The following TMEM233 variants were observed in gnomAD, a reference collection of about 807,000 sequenced individuals.
The protein encoded by TMEM233 is transmembrane protein 233, also known as dispanin subfamily B member 2.
In TMEM233, 6 loss-of-function variants were observed where a neutral mutation model predicts 11.2. That is an observed-to-expected ratio of 0.54 (90% CI 0.29 to 1.06). TMEM233 has a LOEUF of 1.06. TMEM233 is among the 50% of genes least tolerant of loss of function. The pLI is 0.08. For synonymous variants in TMEM233, 59 were observed against 55.8 expected, an observed-to-expected ratio of 1.06 and a Z score of -0.26; for missense variants, 127 against 144.7, an observed-to-expected ratio of 0.88 and a Z score of 0.63.
chr12:119,647,745 G>T (rs1226477534), downstream of TMEM233, among the ~76,000 whole-genome samples: 1 of 152,070 alleles, frequency 6.6e-6, no homozygotes, highest in Non-Finnish European at 1.5e-5. Context: ...CATGCATTAA[G>T]CATTTATCCT....
At chr12:119,615,203 A>AAAAAAAAAAAAAAAAAAAC (rs1954501104) in intron 1 of TMEM233, among the ~76,000 whole-genome samples, 1 of 111,772 alleles carries the variant, frequency 8.9e-6, no homozygotes, top group Non-Finnish European at 1.9e-5. Flanking sequence ...AAAAAAAAAA[A>AAAAAAAAAAAAAAAAAAAC]AAACTGCCTC....
Position 119,594,148 on chromosome 12 carries a change from C to A in TMEM233, c.186+114C>A, listed in dbSNP as rs966246. ...TCCCTTCCTCACGGCCCGGCCCGCG[C>A]TAGGTGTTCTTTGTCCTCGCACCTC... On this transcript the variant is annotated intron_variant, in intron 1 of 2. Transcript: ENST00000426426. The surrounding 1 kb of genome is among the most constrained non-coding windows in gnomAD (Gnocchi z 5.6). The A allele has an allele frequency of 9.1e-7, 1 of 1,098,018 alleles. No homozygotes were observed. The highest frequency in any genetic ancestry group is 1.3e-6 in the Non-Finnish European group (1 of 773,880). The allele number at this position is 1,098,018 out of a possible 1,614,324, so 68.0% of individuals were successfully genotyped here.
chr12:119,620,175 A>G (rs146287028), intron 1 of TMEM233, among the ~76,000 whole-genome samples: 114 of 152,354 alleles, frequency 7.5e-4, no homozygotes, highest in African/African-American at 2.6e-3. Context: ...TGAAGTGTGA[A>G]AAGATGGCTC....
intron 1 of TMEM233, among the ~76,000 whole-genome samples, chr12:119,615,454 A>C (rs1954506227): frequency 6.6e-6 from 1 of 152,182 alleles, no homozygotes; most frequent in Non-Finnish European, 1.5e-5. Context: ...TTCAAAAAAA[A>C]ATTCTGATGC....
At chr12:119,650,251 T>C in the TMEM233 span, among the ~76,000 whole-genome samples, 1 of 152,204 alleles carries the variant, frequency 6.6e-6, no homozygotes, top group African/African-American at 2.4e-5. Flanking sequence ...GATCTCTCAT[T>C]TGATCATTAT....
In TMEM233 at chr12:119,630,491, C is replaced by G. The variant is rs1954856217; in HGVS notation, c.323+619C>G. On this transcript the variant is annotated intron_variant, in intron 2 of 2. Coordinates refer to ENST00000426426, the MANE Select transcript of TMEM233 (RefSeq NM_001136534.3). ...CCGATCATGGTCTCTGGCACAGCTA[C>G]TTAGCTCTGCCATTTTAGCACAAAA... 2.0e-5 allele frequency among the ~76,000 whole-genome samples: 3 copies of G among 152,236 alleles called. No homozygotes were observed. The South Asian group carries it at 6.2e-4, about 31-fold the overall frequency.
chr12:119,618,563 A>T (rs1303512830), intron 1 of TMEM233, among the ~76,000 whole-genome samples: 2 of 152,216 alleles, frequency 1.3e-5, no homozygotes, highest in Admixed American at 6.5e-5. Context: ...CACACCTCTT[A>T]CATCAGTGTG....
intron 1 of TMEM233, among the ~76,000 whole-genome samples, chr12:119,602,738 A>T (rs73410147): frequency 6.6e-6 from 1 of 152,304 alleles, no homozygotes; most frequent in African/African-American, 2.4e-5. Context: ...TCAAGATGTA[A>T]ATCTGTGTGC....
chr12:119,605,125 CTTTA>C (rs571651995), intron 1 of TMEM233, among the ~76,000 whole-genome samples: 249 of 151,806 alleles, frequency 1.6e-3, no homozygotes, highest in African/African-American at 5.6e-3. Context: ...CTTTTGATAA[CTTTA>C]TTTGTTCTTT....
At chr12:119,626,198 G>A (rs1954753350) in intron 1 of TMEM233, among the ~76,000 whole-genome samples, 1 of 152,182 alleles carries the variant, frequency 6.6e-6, no homozygotes, top group Non-Finnish European at 1.5e-5. Context: ...AGGGCCAGGT[G>A]CAGTGGCTCA....
At chr12:119,610,503 G>A (rs1954371858) in intron 1 of TMEM233, among the ~76,000 whole-genome samples, 1 of 152,150 alleles carries the variant, frequency 6.6e-6, no homozygotes, top group African/African-American at 2.4e-5. Flanking sequence ...ATCTTGAATT[G>A]CAGTTTCCAT....
In TMEM233 at chr12:119,594,960, G is replaced by A. The variant is rs1021416522; in HGVS notation, c.186+926G>A. On this transcript the variant is annotated intron_variant, in intron 1 of 2. Coordinates refer to ENST00000426426, the MANE Select transcript of TMEM233 (RefSeq NM_001136534.3). This position sits in a 1 kb window ranked among gnomAD's most constrained non-coding sequence, Gnocchi z 5.6. ...TGTCCTGCGCCCGGGGCTCTCCCGG[G>A]AATGAACTAGGGGATTCCACGCAAC... 6.6e-5 allele frequency among the ~76,000 whole-genome samples: 10 copies of A among 152,188 alleles called. No individual in the cohort carries two copies. The highest frequency in any genetic ancestry group is 2.6e-4 in the Admixed American group (4 of 15,290).
At chr12:119,599,607 G>T (rs1401728056) in intron 1 of TMEM233, among the ~76,000 whole-genome samples, 1 of 152,154 alleles carries the variant, frequency 6.6e-6, no homozygotes, top group African/African-American at 2.4e-5. Flanking sequence ...TGCACAAATA[G>T]TAGCCAACAA....
At chr12:119,644,440 G>A (rs1016250703), downstream of TMEM233, among the ~76,000 whole-genome samples, 4 of 151,226 alleles carry the variant, frequency 2.6e-5, no homozygotes, top group South Asian at 8.3e-4. Flanking sequence ...CCTTCCATAT[G>A]CAGGGCAAAG....
chr12:119,594,214 C>A lies in TMEM233; in HGVS notation c.186+180C>A. The stretch of plus-strand genomic sequence containing the variant: ...GGGCTCTCAGAGCTCTCCCCGCAAT[C>A]ATCAGCACCTCCTCTGCACTCCTCG... On this transcript the variant is annotated intron_variant, in intron 1 of 2. Coordinates refer to ENST00000426426, the MANE Select transcript of TMEM233 (RefSeq NM_001136534.3). This position sits in a 1 kb window ranked among gnomAD's most constrained non-coding sequence, Gnocchi z 5.6. 1.6e-6 allele frequency: 1 copy of A among 625,628 alleles called. No individual in the cohort carries two copies. The highest frequency in any genetic ancestry group is 2.8e-6 in the Non-Finnish European group (1 of 358,596). 38.8% of individuals were successfully genotyped at this position (625,628 alleles called of 1,614,324 possible).
the TMEM233 span, among the ~76,000 whole-genome samples, chr12:119,648,166 C>T: frequency 6.6e-6 from 1 of 152,150 alleles, no homozygotes; most frequent in African/African-American, 2.4e-5. Flanking sequence ...AACCACCCCA[C>T]CCCTCATCAC....
intron 2 of TMEM233, among the ~76,000 whole-genome samples, chr12:119,640,153 G>GCTGTT (rs112044025): frequency 6.6e-6 from 1 of 150,966 alleles, no homozygotes; most frequent in African/African-American, 2.4e-5. Flanking sequence ...GTTTGTTGTT[G>GCTGTT]TTGTTTTGTT....
At position 119,642,815 on chromosome 12, in the gene TMEM233, C is replaced by A. The variant is rs1293677439; in HGVS notation, c.*2110C>A. 10 of 146,198 alleles carry A rather than the reference C, an allele frequency of 6.8e-5. No individual in the cohort carries two copies. The highest frequency in any genetic ancestry group is 1.4e-4 in the Non-Finnish European group (9 of 66,046). 9.1% of individuals were successfully genotyped at this position (146,198 alleles called of 1,614,324 possible). A position where few individuals can be genotyped will look rare whatever the true frequency, so the allele number is the denominator to read the frequency against. On this transcript the variant is annotated 3_prime_UTR_variant, in exon 3 of 3. Transcript: ENST00000426426. Reference sequence around the variant, plus strand: ...AACCCTAGCAAAAAAAAAAAAAATTCTGATGAACATCAGATTCAACCTGTC... The same window carrying A: ...AACCCTAGCAAAAAAAAAAAAAATTATGATGAACATCAGATTCAACCTGTC...
At chr12:119,628,961 A>G (rs959907275) in intron 1 of TMEM233, among the ~76,000 whole-genome samples, 9 of 152,270 alleles carry the variant, frequency 5.9e-5, no homozygotes, top group African/African-American at 1.7e-4. Flanking sequence ...CTTTATTTAC[A>G]AAAACAGGCA....
Sources: allele counts gnomAD v4.1 joint callset (sites outside exome capture counted in the v4.1 genomes callset), GRCh38; gene constraint gnomAD v4.1.1; non-coding constraint Gnocchi (gnomAD v3.1); transcripts MANE v1.5; gene names NCBI Gene and HGNC (gene_info 2026-07-23, HGNC 2026-07-21).